LCOR: variants seen among roughly 807,000 people sequenced by gnomAD.
LCOR encodes the protein ligand-dependent corepressor.
LCOR carries 14 observed loss-of-function variants against 64.4 expected under a neutral mutation model. The observed-to-expected ratio is 0.22, with a 90% CI of 0.14 to 0.34. The LOEUF is 0.34. Ranked by LOEUF, LCOR falls within the 10% of genes least tolerant of loss-of-function variation. The probability of loss-of-function intolerance (pLI) is 1.00; values close to 1 mark genes in which losing one functional copy is unlikely to be tolerated. For synonymous variants in LCOR, 643 were observed against 642.5 expected, an observed-to-expected ratio of 1.00 and a Z score of -0.01; for missense variants, 1,686 against 1,765.3, an observed-to-expected ratio of 0.96 and a Z score of 0.80.
At chr10:96,927,026 A>G (rs1847180324) in intron 4 of LCOR, among the ~76,000 whole-genome samples, 1 of 152,010 alleles carries the variant, frequency 6.6e-6, no homozygotes, top group Admixed American at 6.6e-5. Flanking sequence ...TTTCTTTGGG[A>G]TCAATACCTA....
chr10:96,945,451 A>G (rs1847571170), intron 5 of LCOR, among the ~76,000 whole-genome samples: 1 of 152,122 alleles, frequency 6.6e-6, no homozygotes, highest in Non-Finnish European at 1.5e-5. Flanking sequence ...ATTGTTTAGT[A>G]CATCCTTAAT....
At chr10:96,922,396 A>G (rs905190675) in intron 4 of LCOR, among the ~76,000 whole-genome samples, 1 of 152,188 alleles carries the variant, frequency 6.6e-6, no homozygotes, top group African/African-American at 2.4e-5. Flanking sequence ...GTAAATACAC[A>G]AGTTAATGAC....
At chr10:96,952,040 C>A in intron 6 of LCOR, 63 bp from the exon 7 acceptor site, 1 of 1,157,060 alleles carries the variant, frequency 8.6e-7, no homozygotes, top group African/African-American at 1.5e-5. Context: ...CATTTTTAGC[C>A]TATTTAGTTT....
intron 2 of LCOR, among the ~76,000 whole-genome samples, chr10:96,901,718 A>C (rs936136641): frequency 1.3e-5 from 2 of 152,160 alleles, no homozygotes; most frequent in Admixed American, 1.3e-4. Flanking sequence ...ACACTTCACT[A>C]TACAATATTA....
chr10:96,956,913 A>G, intron 7 of LCOR: 1 of 985,342 alleles, frequency 1.0e-6, no homozygotes, highest in South Asian at 4.7e-5. Context: ...GGATGGGAGA[A>G]ATAGGGAAAG....
intron 2 of LCOR, among the ~76,000 whole-genome samples, chr10:96,855,474 G>T (rs1487303784): frequency 1.3e-5 from 2 of 151,656 alleles, no homozygotes; most frequent in East Asian, 3.9e-4. Flanking sequence ...CGCTCTTGTT[G>T]CCCAGGCTGG....
intron 7 of LCOR, among the ~76,000 whole-genome samples, chr10:96,968,215 T>C (rs896999434): frequency 6.6e-6 from 1 of 152,232 alleles, no homozygotes; most frequent in Admixed American, 6.5e-5. Context: ...TTCATTTTTT[T>C]AGGTGAAAAA....
chr10:96,985,684 G>A lies in LCOR; in HGVS notation c.*550G>A, dbSNP rs1848143134. 2.4e-5 allele frequency: 4 copies of A among 166,656 alleles called. No homozygotes were observed. The South Asian group carries it at 6.2e-4, about 26-fold the overall frequency. The allele number at this position is 166,656 out of a possible 1,614,324, so 10.3% of individuals were successfully genotyped here. A position where few individuals can be genotyped will look rare whatever the true frequency, so the allele number is the denominator to read the frequency against. On this transcript the variant is annotated 3_prime_UTR_variant, in exon 8 of 8. Coordinates refer to ENST00000421806, the MANE Select transcript of LCOR (RefSeq NM_001346516.2). Reference sequence around the variant, plus strand: ...AAACCAAATCATTTTATGGTATGCAGAGGATTTATAATTATAAAAGATTAC... The same window carrying A: ...AAACCAAATCATTTTATGGTATGCAAAGGATTTATAATTATAAAAGATTAC...
chr10:96,978,907 C>A (rs2134560488), intron 7 of LCOR, among the ~76,000 whole-genome samples: 1 of 152,332 alleles, frequency 6.6e-6, no homozygotes, highest in Non-Finnish European at 1.5e-5. Context: ...CACAACAATC[C>A]TTTGAGATAC....
Position 96,984,440 on chromosome 10 carries a change from T to C in LCOR, c.3980T>C (p.Ile1327Thr). 1 of 1,614,166 alleles carries C rather than the reference T, an allele frequency of 6.2e-7. No homozygotes were observed. The highest frequency in any genetic ancestry group is 2.2e-5 in the East Asian group (1 of 44,880). ...AAGCTCAGAGCCCAGCAACGTTTAA[T>C]CAAGAATGAGAAAATGGAATGCCCA... ...RGKLRAQQRL[I>T]KNEKMECPDA... Residue 1327 changes from isoleucine to threonine, a missense_variant, in exon 8 of 8, where the codon ATC (isoleucine) becomes ACC (threonine). Transcript: ENST00000421806.
chr10:96,878,681 G>A (rs532181474), intron 2 of LCOR, among the ~76,000 whole-genome samples: 2 of 152,284 alleles, frequency 1.3e-5, no homozygotes, highest in South Asian at 4.1e-4. Context: ...TGAGAAAGCT[G>A]TCATGAGATG....
intron 7 of LCOR, chr10:96,956,426 AAG>A: frequency 1.0e-6 from 1 of 985,312 alleles, no homozygotes; most frequent in African/African-American, 1.7e-5. Context: ...GATTAAACTA[AAG>A]AAAAAACTAA....
chr10:96,859,845 G>A (rs1237715958), intron 2 of LCOR, among the ~76,000 whole-genome samples: 1 of 152,222 alleles, frequency 6.6e-6, no homozygotes, highest in Admixed American at 6.5e-5. Context: ...CATGAGCTGC[G>A]GCACCTGGCC....
chr10:96,871,942 A>G (rs1341966258), intron 2 of LCOR, among the ~76,000 whole-genome samples: 1 of 152,224 alleles, frequency 6.6e-6, no homozygotes, highest in African/African-American at 2.4e-5. Flanking sequence ...TAGAGTCAAG[A>G]TAGAATCACG....
rs552752409 is a variant in LCOR at position 96,940,303 on chromosome 10, ATTTTTTTTTTTTTT to A, written c.-183-3792_-183-3779del. On this transcript the variant is annotated intron_variant, in intron 4 of 7. Coordinates refer to ENST00000421806, the MANE Select transcript of LCOR (RefSeq NM_001346516.2). ...TACAACTATAATAAAGGTGGTCATG[ATTTTTTTTTTTTTT>A]TTTTTTTTTTTTTTTTTATTGATCA... 2.1e-3 allele frequency among the ~76,000 whole-genome samples: 137 copies of A among 65,462 alleles called. 2 individuals carry two copies. The East Asian group carries it at 0.039, about 18-fold the overall frequency. 42.9% of individuals were successfully genotyped at this position (65,462 alleles called of 152,430 possible). A position where few individuals can be genotyped will look rare whatever the true frequency, so the allele number is the denominator to read the frequency against.
intron 2 of LCOR, among the ~76,000 whole-genome samples, chr10:96,881,957 G>A (rs1846270017): frequency 6.6e-6 from 1 of 152,110 alleles, no homozygotes. Flanking sequence ...TTTAGTTGAT[G>A]TACTGGCTCT....
At chr10:96,943,979 T>C (rs1847543970) in intron 4 of LCOR, 134 bp from the exon 5 acceptor site, 1 of 381,880 alleles carries the variant, frequency 2.6e-6, no homozygotes. Flanking sequence ...ATAAAATTTA[T>C]ACTGAAGTTT....
intron 2 of LCOR, among the ~76,000 whole-genome samples, chr10:96,843,562 T>C (rs1043136998): frequency 6.6e-6 from 1 of 152,244 alleles, no homozygotes; most frequent in Admixed American, 6.5e-5. Context: ...GTAACTTGTT[T>C]TCTTGTCCAG....
In LCOR at chr10:96,982,100, C is replaced by T. The variant is rs577595567; in HGVS notation, c.1640C>T (p.Thr547Ile). ...EAVFTPKQTL[T>I]IPAPRHTVDV... ...GTTTTCACTCCTAAGCAGACCCTTACAATTCCAGCCCCTAGACATACAGTA... is the reference window on the plus strand; with the variant it reads ...GTTTTCACTCCTAAGCAGACCCTTATAATTCCAGCCCCTAGACATACAGTA... Residue 547 changes from threonine (T) to isoleucine (I), a missense_variant, in exon 8 of 8, where the codon ACA (threonine) becomes ATA (isoleucine). Thr to Ile is a moderately conservative substitution (Grantham distance 89). Around this residue, in one of 3 missense-constraint regions of LCOR, gnomAD observed 1,293 missense variants for 1,410.4 expected, o/e 0.92. Transcript: ENST00000421806. The T allele has an allele frequency of 1.2e-6, 2 of 1,614,188 alleles. No individual in the cohort carries two copies. Among genetic ancestry groups the T allele is most frequent in the Non-Finnish European group, 1.7e-6 (2 of 1,180,036 alleles).
Sources: allele counts gnomAD v4.1 joint callset (sites outside exome capture counted in the v4.1 genomes callset), GRCh38; gene constraint gnomAD v4.1.1; regional missense constraint gnomAD v4.1.1; transcripts MANE v1.5; gene names NCBI Gene and HGNC (gene_info 2026-07-23, HGNC 2026-07-21).